INSC: variants seen among roughly 807,000 people sequenced by gnomAD.
The protein encoded by INSC is INSC spindle orientation adaptor protein, also known as protein inscuteable homolog.
A neutral mutation model predicts 58.6 loss-of-function variants in INSC; 67 were observed. The ratio of observed to expected loss-of-function variants is 1.14; its 90% CI spans 0.94 to 1.40. The LOEUF is 1.40. Among genes scored for constraint, INSC ranks in the 40% most tolerant of loss-of-function variants. The pLI is 0.00. For synonymous variants in INSC, 262 were observed against 276.1 expected (o/e 0.95, Z 0.51); for missense variants, 714 against 692.0 (o/e 1.03, Z -0.36).
At chr11:15,200,209 G>A (rs1328659104) in intron 6 of INSC, among the ~76,000 whole-genome samples, 1 of 151,322 alleles carries the variant, frequency 6.6e-6, no homozygotes, top group Non-Finnish European at 1.5e-5. Context: ...GTAAACGAGT[G>A]AAAATGATGA....
chr11:15,262,705 C>A, the INSC span, among the ~76,000 whole-genome samples: 8 of 147,146 alleles, frequency 5.4e-5, no homozygotes, highest in Non-Finnish European at 1.1e-4. Flanking sequence ...ATCTCCAGCC[C>A]AAGAATTTTG....
the INSC span, among the ~76,000 whole-genome samples, chr11:15,268,277 T>G: frequency 3.9e-5 from 6 of 152,072 alleles, no homozygotes; most frequent in African/African-American, 1.4e-4. Flanking sequence ...AAGCAGAAGT[T>G]GCCCTTCTAT....
At chr11:15,220,536 AC>A (rs909745659) in intron 7 of INSC, among the ~76,000 whole-genome samples, 16 of 152,204 alleles carry the variant, frequency 1.1e-4, no homozygotes, top group Admixed American at 1.0e-3. Flanking sequence ...GGGCTTTGAC[AC>A]CAGACCATTT....
intron 5 of INSC, among the ~76,000 whole-genome samples, chr11:15,189,324 C>T (rs1197685281): frequency 6.6e-6 from 1 of 152,050 alleles, no homozygotes; most frequent in Non-Finnish European, 1.5e-5. Flanking sequence ...AAAAAATGGG[C>T]ACAACCCCCT....
At chr11:15,189,442 G>A (rs1470748603) in intron 5 of INSC, among the ~76,000 whole-genome samples, 1 of 151,488 alleles carries the variant, frequency 6.6e-6, no homozygotes, top group Non-Finnish European at 1.5e-5. Context: ...ATGTTGCCCA[G>A]GCTATTTCTT....
intron 1 of INSC, among the ~76,000 whole-genome samples, chr11:15,143,163 C>T (rs1033502504): frequency 2.6e-5 from 4 of 152,148 alleles, no homozygotes; most frequent in Non-Finnish European, 5.9e-5. Context: ...TCCCCACCTT[C>T]GGGGGAGAAA....
In INSC at chr11:15,178,583, A is replaced by C. The variant is rs562199406; in HGVS notation, c.579+136A>C. On this transcript the variant is annotated intron_variant, in intron 5 of 12. Transcript: ENST00000379556. ...GGAAACATCTTACTCAAACCACCAA[A>C]GTCAACTCCAGCATTTGTGAAACAA... The C allele has an allele frequency of 2.8e-6, 3 of 1,074,412 alleles. No individual in the cohort carries two copies. In the East Asian group the frequency reaches 7.9e-5, roughly 28 times the overall value. 66.6% of individuals were successfully genotyped at this position (1,074,412 alleles called of 1,614,324 possible). A position where few individuals can be genotyped will look rare whatever the true frequency, so the allele number is the denominator to read the frequency against.
At position 15,205,597 on chromosome 11, in the gene INSC, G is replaced by C. The variant is rs146960629; in HGVS notation, c.819+4648G>C. On this transcript the variant is annotated intron_variant, in intron 7 of 12. Transcript: ENST00000379556. Reference sequence around the variant, plus strand: ...TGGAAGGTTAGGGTCTGGTGGGGAAGGGAGGGCTGGCATGTGGGAGAGGGG... The same window carrying C: ...TGGAAGGTTAGGGTCTGGTGGGGAACGGAGGGCTGGCATGTGGGAGAGGGG... Among the ~76,000 whole-genome samples, 75 of 152,316 alleles carry C rather than the reference G, an allele frequency of 4.9e-4. No homozygotes were observed. The South Asian group carries it at 0.015, about 30-fold the overall frequency.
chr11:15,225,858 G>T (rs1363704563), intron 9 of INSC, 30 bp downstream of exon 9: 7 of 1,596,602 alleles, frequency 4.4e-6, no homozygotes, highest in Non-Finnish European at 5.1e-6. Flanking sequence ...CTGAGCACAG[G>T]GCCCATAGCC....
chr11:15,238,911 C>T lies in INSC; in HGVS notation c.1238-8C>T. 1.2e-6 allele frequency: 2 copies of T among 1,612,592 alleles called. No individual in the cohort carries two copies. The highest frequency in any genetic ancestry group is 1.7e-6 in the Non-Finnish European group (2 of 1,179,064). On this transcript the variant is annotated splice_region_variant and splice_polypyrimidine_tract_variant and intron_variant, in intron 10 of 12. Transcript: ENST00000379556. The stretch of plus-strand genomic sequence containing the variant: ...GTAGGTACCAACTGTTCCTTGCTTC[C>T]TGCCTAGGGGTCCAGCTTATCATGG...
intron 11 of INSC, among the ~76,000 whole-genome samples, chr11:15,239,648 C>T (rs940244068): frequency 6.6e-6 from 1 of 152,108 alleles, no homozygotes; most frequent in Non-Finnish European, 1.5e-5. Flanking sequence ...CTCACAGCCT[C>T]ATGGAGGTGA....
chr11:15,241,356 C>T (rs536600262), intron 12 of INSC, among the ~76,000 whole-genome samples: 65 of 152,290 alleles, frequency 4.3e-4, no homozygotes, highest in Non-Finnish European at 7.9e-4. Context: ...AAAGTCCTCT[C>T]CTCAGCCCAT....
intron 9 of INSC, among the ~76,000 whole-genome samples, chr11:15,229,979 T>TTA (rs1194544781): frequency 1.5e-4 from 5 of 32,972 alleles, no homozygotes; most frequent in African/African-American, 2.4e-4. Flanking sequence ...TATATATATA[T>TTA]TATATATATA....
chr11:15,216,845 G>A (rs1182877335), intron 7 of INSC, among the ~76,000 whole-genome samples: 1 of 152,160 alleles, frequency 6.6e-6, no homozygotes, highest in Non-Finnish European at 1.5e-5. Flanking sequence ...CTAGGATTCA[G>A]GGCCCCAAGT....
the INSC span, among the ~76,000 whole-genome samples, chr11:15,267,503 C>T: frequency 2.0e-5 from 3 of 151,822 alleles, no homozygotes; most frequent in Non-Finnish European, 4.4e-5. Context: ...AAACTTTCTA[C>T]TGGACTATCT....
chr11:15,159,733 C>T (rs1848948404), intron 2 of INSC, among the ~76,000 whole-genome samples: 1 of 152,200 alleles, frequency 6.6e-6, no homozygotes, highest in Non-Finnish European at 1.5e-5. Context: ...CCTTGCTAAG[C>T]TTCAGTTTCC....
chr11:15,160,283 G>A (rs1410061185), intron 2 of INSC, among the ~76,000 whole-genome samples: 1 of 152,198 alleles, frequency 6.6e-6, no homozygotes, highest in Non-Finnish European at 1.5e-5. Flanking sequence ...AGCCAGCAAG[G>A]TGAAGAGGAA....
upstream of INSC, chr11:15,114,893 G>A (rs988700032): frequency 1.1e-5 from 11 of 979,810 alleles, no homozygotes; most frequent in African/African-American, 1.1e-4. Flanking sequence ...GGCCAGGGGC[G>A]GCCTCTCGGG....
chr11:15,157,658 A>G (rs1848861712), intron 2 of INSC, among the ~76,000 whole-genome samples: 4 of 152,202 alleles, frequency 2.6e-5, no homozygotes, highest in Non-Finnish European at 5.9e-5. Flanking sequence ...AAGCTATGCA[A>G]TTATGGGATG....
Sources: gnomAD v4.1 joint callset for allele counts (sites outside exome capture counted in the v4.1 genomes callset) on GRCh38, gnomAD v4.1.1 for gene constraint, MANE v1.5 for transcripts, NCBI Gene and HGNC (gene_info 2026-07-23, HGNC 2026-07-21) for gene names.